TLN2: variants seen among roughly 807,000 people sequenced by gnomAD.
The protein encoded by TLN2 is talin-2.
Under a neutral mutation model 294.7 loss-of-function variants are expected in TLN2, and 118 were observed. That is an observed-to-expected ratio of 0.40 (90% CI 0.34 to 0.47). The LOEUF (loss-of-function observed/expected upper bound fraction) is 0.47. TLN2 is among the 20% of genes least tolerant of loss of function. The probability of loss-of-function intolerance (pLI) is 0.84; values close to 1 mark genes in which losing one functional copy is unlikely to be tolerated. For missense variants in TLN2, 3,083 were observed against 3,282.2 expected (o/e 0.94, Z 1.48); for synonymous variants, 1,431 against 1,304.5 (o/e 1.10, Z -2.09).
intron 54 of TLN2, among the ~76,000 whole-genome samples, chr15:62,825,866 A>ATT (rs1397679180): frequency 1.0e-5 from 1 of 98,298 alleles, no homozygotes; most frequent in Non-Finnish European, 1.8e-5. Context: ...ATATATATAT[A>ATT]TTTATATATA....
intron 54 of TLN2, among the ~76,000 whole-genome samples, chr15:62,822,613 C>G (rs1056988083): frequency 2.0e-5 from 3 of 151,988 alleles, no homozygotes; most frequent in Non-Finnish European, 2.9e-5. Context: ...ATACCAGCCC[C>G]TGTTTCCCAC....
intron 1 of TLN2, among the ~76,000 whole-genome samples, chr15:62,563,036 A>G (rs1345777363): frequency 2.0e-5 from 3 of 150,818 alleles, no homozygotes; most frequent in Non-Finnish European, 2.9e-5. Context: ...TGCAGTTGCG[A>G]ATTGTGCTGC....
chr15:62,748,228 G>A, intron 32 of TLN2, 123 bp from the exon 33 acceptor site: 1 of 726,284 alleles, frequency 1.4e-6, no homozygotes, highest in Admixed American at 2.5e-5. Flanking sequence ...CTGCAGAAGA[G>A]TTCTCCTGGG....
intron 50 of TLN2, among the ~76,000 whole-genome samples, chr15:62,804,745 ACATTGGTTGG>A (rs2066156239): frequency 6.6e-6 from 1 of 152,138 alleles, no homozygotes; most frequent in South Asian, 2.1e-4. Context: ...GTGATGTTTG[ACATTGGTTGG>A]CATTCTATGG....
At chr15:62,596,542 A>C (rs949327061) in intron 2 of TLN2, among the ~76,000 whole-genome samples, 1 of 152,092 alleles carries the variant, frequency 6.6e-6, no homozygotes, top group Non-Finnish European at 1.5e-5. Context: ...GTTCGAGACC[A>C]GCCTGGCCAA....
chr15:62,392,547 G>A (rs1273163008), intron 1 of TLN2, among the ~76,000 whole-genome samples: 1 of 152,190 alleles, frequency 6.6e-6, no homozygotes. Context: ...CGGGAGTGGG[G>A]AATCTTTACT....
At chr15:62,794,872 A>G (rs1044798407) in intron 46 of TLN2, among the ~76,000 whole-genome samples, 1 of 152,150 alleles carries the variant, frequency 6.6e-6, no homozygotes, top group Non-Finnish European at 1.5e-5. Flanking sequence ...CCTGGTCAGC[A>G]TGTTTGAAGA....
chr15:62,570,042 C>T (rs1029090981), intron 1 of TLN2, among the ~76,000 whole-genome samples: 4 of 152,136 alleles, frequency 2.6e-5, no homozygotes, highest in African/African-American at 7.2e-5. Flanking sequence ...CTCTCCTTTC[C>T]CTTTGCTTTC....
chr15:62,510,499 A>T (rs1183062980), intron 1 of TLN2, among the ~76,000 whole-genome samples: 4 of 152,252 alleles, frequency 2.6e-5, no homozygotes, highest in Non-Finnish European at 4.4e-5. Flanking sequence ...TCATATTTAA[A>T]TCTTGCCCAA....
intron 1 of TLN2, among the ~76,000 whole-genome samples, chr15:62,446,274 C>T (rs761145026): frequency 2.5e-4 from 38 of 152,178 alleles, no homozygotes; most frequent in Non-Finnish European, 4.7e-4. Flanking sequence ...ATCACAGGTG[C>T]GAGCCACCGC....
chr15:62,652,600 T>G (rs2052716812), intron 6 of TLN2, among the ~76,000 whole-genome samples: 1 of 152,190 alleles, frequency 6.6e-6, no homozygotes, highest in Admixed American at 6.5e-5. Flanking sequence ...CCTATCTTAG[T>G]TTTCTCTTCA....
chr15:62,695,985 C>T (rs1284683960), intron 14 of TLN2, among the ~76,000 whole-genome samples: 1 of 152,174 alleles, frequency 6.6e-6, no homozygotes, highest in Admixed American at 6.5e-5. Flanking sequence ...CTGATCAAGG[C>T]AAGCAGGAAG....
chr15:62,666,876 T>C (rs1341796195), intron 9 of TLN2, among the ~76,000 whole-genome samples: 1 of 152,222 alleles, frequency 6.6e-6, no homozygotes, highest in Admixed American at 6.5e-5. Context: ...TGATCAGAAT[T>C]ATCTAAAGGG....
intron 1 of TLN2, among the ~76,000 whole-genome samples, chr15:62,412,247 C>G (rs1003095782): frequency 6.6e-6 from 1 of 152,164 alleles, no homozygotes; most frequent in African/African-American, 2.4e-5. Flanking sequence ...TGGGGAAAGG[C>G]TTGCCTAGAG....
chr15:62,645,515 G>C (rs140145842), intron 3 of TLN2, among the ~76,000 whole-genome samples: 2 of 152,202 alleles, frequency 1.3e-5, no homozygotes, highest in African/African-American at 4.8e-5. Flanking sequence ...AACCATGCCC[G>C]CATTCACCAA....
intron 42 of TLN2, among the ~76,000 whole-genome samples, chr15:62,775,106 G>A (rs558868044): frequency 2.3e-4 from 35 of 151,728 alleles, no homozygotes; most frequent in Non-Finnish European, 4.4e-4. Context: ...ACAGGCGCCC[G>A]CCACCACACC....
In TLN2 at chr15:62,783,835, A is replaced by G. The variant is rs2064405269; in HGVS notation, c.5681A>G (p.Tyr1894Cys). The G allele has an allele frequency of 1.9e-6, 3 of 1,613,806 alleles. No homozygotes were observed. Among genetic ancestry groups the G allele is most frequent in the African/African-American group, 1.3e-5 (1 of 74,884 alleles). ...GGLASQMTSDYGHLAFQGQMA... is the reference protein window; with the variant it reads ...GGLASQMTSDCGHLAFQGQMA... ...CTGGCTTCACAAATGACCAGTGACT[A>G]TGGGCACCTGGCTTTCCAGGGCCAG... is the stretch of plus-strand genomic sequence containing the variant. The change falls in exon 45 of 59, where the codon TAT (tyrosine) becomes TGT (cysteine). Residue 1894 changes from tyrosine (Y) to cysteine (C), a missense_variant. By Grantham distance (194) the Tyr-to-Cys change is radical. Transcript: ENST00000636159.
intron 1 of TLN2, among the ~76,000 whole-genome samples, chr15:62,421,206 G>A (rs1395318444): frequency 2.6e-5 from 4 of 152,104 alleles, no homozygotes; most frequent in Non-Finnish European, 4.4e-5. Flanking sequence ...CCGACCCTCA[G>A]TTTGGTCTGG....
intron 57 of TLN2, 107 bp from the exon 58 acceptor site, chr15:62,838,749 G>C (rs772345239): frequency 7.0e-7 from 1 of 1,422,698 alleles, no homozygotes; most frequent in Non-Finnish European, 9.5e-7. Context: ...GTTATAATTG[G>C]ATAATCAATT....
Sources: allele counts gnomAD v4.1 joint callset (sites outside exome capture counted in the v4.1 genomes callset), GRCh38; gene constraint gnomAD v4.1.1; transcripts MANE v1.5; gene names NCBI Gene and HGNC (gene_info 2026-07-23, HGNC 2026-07-21).